The following CBLB variants were observed in gnomAD, a reference collection of about 807,000 sequenced individuals.
CBLB encodes Cbl proto-oncogene B.
CBLB carries 31 observed loss-of-function variants against 104.9 expected under a neutral mutation model. The observed-to-expected ratio is 0.30, with a 90% confidence interval of 0.22 to 0.40. The LOEUF is 0.40. CBLB is among the 10% of genes least tolerant of loss of function. CBLB has a pLI of 1.00. For synonymous variants in CBLB, 440 were observed against 422.6 expected (o/e 1.04, Z -0.51); for missense variants, 1,062 against 1,214.6 (o/e 0.87, Z 1.87).
chr3:105,731,983 G>A (rs2074365866), intron 9 of CBLB, among the ~76,000 whole-genome samples: 1 of 152,188 alleles, frequency 6.6e-6, no homozygotes, highest in Non-Finnish European at 1.5e-5. Context: ...CAGAGTGTTA[G>A]GAATTTGTAT....
chr3:105,834,580 A>G (rs2088136150), intron 3 of CBLB, among the ~76,000 whole-genome samples: 1 of 152,070 alleles, frequency 6.6e-6, no homozygotes, highest in African/African-American at 2.4e-5. Context: ...GGCATGAACC[A>G]GGGAGGCGGA....
At chr3:105,801,237 T>C (rs972410390) in intron 3 of CBLB, among the ~76,000 whole-genome samples, 2 of 152,126 alleles carry the variant, frequency 1.3e-5, no homozygotes, top group Non-Finnish European at 2.9e-5. Context: ...TATTAACAGA[T>C]AAATGGTCTA....
intron 3 of CBLB, among the ~76,000 whole-genome samples, chr3:105,788,869 T>C (rs566639283): frequency 2.0e-5 from 3 of 152,332 alleles, no homozygotes; most frequent in Admixed American, 1.3e-4. Flanking sequence ...TTTCTGCCTC[T>C]GCCTCTTTAA....
chr3:105,776,245 T>C lies in CBLB; in HGVS notation c.566+151A>G, dbSNP rs957787231. 4.7e-6 allele frequency: 3 copies of C among 643,700 alleles called. No homozygotes were observed. In the African/African-American group the frequency reaches 6.9e-5, roughly 15 times the overall value. The allele number at this position is 643,700 out of a possible 1,614,324, so 39.9% of individuals were successfully genotyped here. On this transcript the variant is annotated intron_variant, in intron 4 of 18. Transcript: ENST00000394030. ...TATTGAGGCATACCTTTGGTGACTATAAAAATTACCAATCAATCAAAATGC... is the reference window on the plus strand; with the variant it reads ...TATTGAGGCATACCTTTGGTGACTACAAAAATTACCAATCAATCAAAATGC...
rs534388747 is a variant in CBLB at position 105,862,449 on chromosome 3, G to A, written c.168+4961C>T. 2.6e-5 allele frequency among the ~76,000 whole-genome samples: 4 copies of A among 152,074 alleles called. No homozygotes were observed. The South Asian group carries it at 6.2e-4, about 24-fold the overall frequency. ...TTCTCTTTCATCCTCTAATTCTAAG[G>A]GGTCACCAAGACCTGTAGATTTTAC... On this transcript the variant is annotated intron_variant, in intron 2 of 18. Transcript: ENST00000394030.
In CBLB at chr3:105,746,057, A is replaced by G. The variant is rs750509933; in HGVS notation, c.724-19T>C. The G allele has an allele frequency of 7.2e-6, 11 of 1,533,184 alleles. No individual in the cohort carries two copies. In the East Asian group the frequency reaches 2.3e-4, roughly 31 times the overall value. The allele number at this position is 1,533,184 out of a possible 1,614,324, so 95.0% of individuals were successfully genotyped here. On this transcript the variant is annotated intron_variant, in intron 5 of 18. Transcript: ENST00000394030. Reference sequence around the variant, plus strand: ...CCCAAGGCTAAAAAATAAAAAAATTAAAAGAGATTAGTATCTAGAGAATAT... The same window carrying G: ...CCCAAGGCTAAAAAATAAAAAAATTGAAAGAGATTAGTATCTAGAGAATAT...
intron 4 of CBLB, among the ~76,000 whole-genome samples, chr3:105,771,707 T>A (rs527268596): frequency 1.3e-5 from 2 of 152,082 alleles, no homozygotes; most frequent in Non-Finnish European, 1.5e-5. Context: ...AAAATCAATG[T>A]ACACAAATCA....
At chr3:105,746,179 C>T in intron 5 of CBLB, 141 bp from the exon 6 acceptor site, 1 of 610,212 alleles carries the variant, frequency 1.6e-6, no homozygotes. Context: ...TTAGGTCAAC[C>T]TTTGTTACTT....
At chr3:105,854,888 C>A (rs912952708) in intron 2 of CBLB, among the ~76,000 whole-genome samples, 2 of 152,144 alleles carry the variant, frequency 1.3e-5, no homozygotes, top group Non-Finnish European at 2.9e-5. Flanking sequence ...GCCTCGGCCT[C>A]CCAAAGTGCT....
At chr3:105,676,280 T>C (rs1353749625) in intron 17 of CBLB, among the ~76,000 whole-genome samples, 1 of 152,232 alleles carries the variant, frequency 6.6e-6, no homozygotes, top group African/African-American at 2.4e-5. Context: ...TAATTTTTTT[T>C]AGCAATTAAT....
At chr3:105,766,623 T>C (rs752810026) in intron 4 of CBLB, among the ~76,000 whole-genome samples, 4 of 151,406 alleles carry the variant, frequency 2.6e-5, no homozygotes, top group Non-Finnish European at 4.4e-5. Flanking sequence ...TTGTTAGCAT[T>C]TTTTAGCAAT....
chr3:105,679,916 C>A (rs903343597), intron 16 of CBLB, among the ~76,000 whole-genome samples: 1 of 152,146 alleles, frequency 6.6e-6, no homozygotes, highest in Non-Finnish European at 1.5e-5. Flanking sequence ...TCAGCTATTT[C>A]CTACATTATC....
chr3:105,745,252 G>A (rs1179018760), intron 6 of CBLB, among the ~76,000 whole-genome samples: 3 of 152,226 alleles, frequency 2.0e-5, no homozygotes, highest in Admixed American at 1.3e-4. Context: ...CTGAACCATG[G>A]AAGAGACAGA....
chr3:105,837,627 A>G (rs754116271), intron 3 of CBLB, among the ~76,000 whole-genome samples: 1 of 152,246 alleles, frequency 6.6e-6, no homozygotes, highest in Non-Finnish European at 1.5e-5. Context: ...AAGTACTTGT[A>G]AACTGTAGTA....
chr3:105,679,513 C>A (rs528402469), intron 16 of CBLB, among the ~76,000 whole-genome samples: 1 of 152,130 alleles, frequency 6.6e-6, no homozygotes, highest in East Asian at 1.9e-4. Context: ...CGTGGTGGCT[C>A]ATGTCTGTAA....
At chr3:105,669,429 G>A (rs1003847497) in intron 18 of CBLB, among the ~76,000 whole-genome samples, 3 of 152,140 alleles carry the variant, frequency 2.0e-5, no homozygotes, top group Non-Finnish European at 4.4e-5. Flanking sequence ...CTTGATCTTG[G>A]ACTTCCCAGC....
intron 9 of CBLB, among the ~76,000 whole-genome samples, chr3:105,727,966 T>C (rs967440396): frequency 1.3e-5 from 2 of 152,246 alleles, no homozygotes; most frequent in Non-Finnish European, 2.9e-5. Context: ...TAGTTTGAAG[T>C]CAGGTAGCGT....
At chr3:105,773,666 T>C (rs1260668458) in intron 4 of CBLB, among the ~76,000 whole-genome samples, 1 of 152,224 alleles carries the variant, frequency 6.6e-6, no homozygotes, top group African/African-American at 2.4e-5. Context: ...TTATAAGTTA[T>C]TATTCCAGAG....
In CBLB at chr3:105,869,008, T is replaced by C. The variant is rs1026072023; in HGVS notation, c.-287A>G. On this transcript the variant is annotated 5_prime_UTR_variant, in exon 1 of 19. Transcript: ENST00000394030. ...CTAGCAGGAGGAGGAGACCGCTCGCTGGACACCCCACCCCTGTGGCACACA... is the reference window on the plus strand; with the variant it reads ...CTAGCAGGAGGAGGAGACCGCTCGCCGGACACCCCACCCCTGTGGCACACA... 2.8e-6 allele frequency: 3 copies of C among 1,053,452 alleles called. No individual in the cohort carries two copies. In the East Asian group the frequency reaches 3.6e-4, roughly 125 times the overall value. 65.3% of individuals were successfully genotyped at this position (1,053,452 alleles called of 1,614,324 possible).
Sources: allele counts gnomAD v4.1 joint callset (sites outside exome capture counted in the v4.1 genomes callset), GRCh38; gene constraint gnomAD v4.1.1; transcripts MANE v1.5; gene names NCBI Gene and HGNC (gene_info 2026-07-23, HGNC 2026-07-21).